KCMF1: variants seen among roughly 807,000 people sequenced by gnomAD.
The protein encoded by KCMF1 is E3 ubiquitin-protein ligase KCMF1.
Under a neutral mutation model 41.1 loss-of-function variants are expected in KCMF1, and 3 were observed. The ratio of observed to expected loss-of-function variants is 0.07; its 90% confidence interval spans 0.03 to 0.19. The LOEUF is 0.19. Among genes scored for constraint, KCMF1 ranks in the 10% least tolerant of loss-of-function variants. KCMF1 has a pLI of 1.00. For missense variants in KCMF1, 286 were observed against 488.9 expected, an observed-to-expected ratio of 0.58 and a Z score of 3.91; for synonymous variants, 142 against 164.5, an observed-to-expected ratio of 0.86 and a Z score of 1.04.
At chr2:85,041,420 T>G (rs1293029804) in intron 3 of KCMF1, among the ~76,000 whole-genome samples, 1 of 152,220 alleles carries the variant, frequency 6.6e-6, no homozygotes, top group Non-Finnish European at 1.5e-5. Context: ...CCATTCTGTT[T>G]TCCTTCTAGG....
intron 2 of KCMF1, among the ~76,000 whole-genome samples, chr2:85,033,506 G>A (rs1161728197): frequency 6.6e-6 from 1 of 152,178 alleles, no homozygotes; most frequent in Non-Finnish European, 1.5e-5. Context: ...GAGGGCCTCA[G>A]CTGTGTCATA....
At chr2:84,993,663 C>G (rs1674101747) in intron 1 of KCMF1, among the ~76,000 whole-genome samples, 1 of 151,806 alleles carries the variant, frequency 6.6e-6, no homozygotes, top group Non-Finnish European at 1.5e-5. Context: ...GCACCCTCCA[C>G]CTCCTGGGTT....
intron 1 of KCMF1, among the ~76,000 whole-genome samples, chr2:84,999,295 T>C (rs1674270581): frequency 6.6e-6 from 1 of 151,832 alleles, no homozygotes; most frequent in African/African-American, 2.4e-5. Flanking sequence ...GGATTACAGG[T>C]GCCCGCCAAC....
At chr2:85,031,971 C>A (rs1675284943) in intron 2 of KCMF1, among the ~76,000 whole-genome samples, 1 of 152,222 alleles carries the variant, frequency 6.6e-6, no homozygotes, top group Admixed American at 6.5e-5. Flanking sequence ...AACTCCTGAG[C>A]TCAAGTGGTC....
At chr2:85,044,809 C>G (rs986325331) in intron 4 of KCMF1, among the ~76,000 whole-genome samples, 6 of 152,248 alleles carry the variant, frequency 3.9e-5, no homozygotes, top group Non-Finnish European at 7.3e-5. Flanking sequence ...TGAGCCACCA[C>G]GCCCAGCCTC....
At chr2:84,972,656 A>G (rs1673430832) in intron 1 of KCMF1, among the ~76,000 whole-genome samples, 1 of 152,182 alleles carries the variant, frequency 6.6e-6, no homozygotes, top group Non-Finnish European at 1.5e-5. Context: ...GCACTATGGG[A>G]AGGATATTCT....
intron 1 of KCMF1, among the ~76,000 whole-genome samples, chr2:85,003,371 G>A (rs1431852317): frequency 2.0e-5 from 3 of 151,976 alleles, no homozygotes; most frequent in South Asian, 2.1e-4. Flanking sequence ...CTAGCTACTC[G>A]GGAGGCTGAG....
intron 1 of KCMF1, among the ~76,000 whole-genome samples, chr2:85,015,509 C>G (rs1674748550): frequency 6.6e-6 from 1 of 152,146 alleles, no homozygotes; most frequent in Non-Finnish European, 1.5e-5. Flanking sequence ...GTTTTCAGAA[C>G]AGGGATGCAT....
At chr2:85,038,251 A>G (rs1293457593) in intron 3 of KCMF1, among the ~76,000 whole-genome samples, 1 of 152,242 alleles carries the variant, frequency 6.6e-6, no homozygotes, top group East Asian at 1.9e-4. Flanking sequence ...AACACTTACT[A>G]TAACTGTTCA....
intron 1 of KCMF1, among the ~76,000 whole-genome samples, chr2:84,986,262 C>A (rs72838127): frequency 0.042 from 6,372 of 152,182 alleles, 198 homozygotes; most frequent in Non-Finnish European, 0.063. Flanking sequence ...AATAAAATAA[C>A]CCTTGTATGA....
chr2:85,003,729 A>C (rs1051196845), intron 1 of KCMF1, among the ~76,000 whole-genome samples: 3 of 152,102 alleles, frequency 2.0e-5, no homozygotes, highest in African/African-American at 7.2e-5. Context: ...GAGCTACCAC[A>C]CCTGGCCTAC....
chr2:84,982,384 A>C (rs1286012108), intron 1 of KCMF1, among the ~76,000 whole-genome samples: 2 of 35,880 alleles, frequency 5.6e-5, no homozygotes, highest in Non-Finnish European at 5.5e-5. Context: ...TGTGTTCCTT[A>C]TTTTCTTTTT....
At chr2:85,026,663 ATT>A (rs1055644638) in intron 1 of KCMF1, among the ~76,000 whole-genome samples, 1 of 150,000 alleles carries the variant, frequency 6.7e-6, no homozygotes, top group Non-Finnish European at 1.5e-5. Flanking sequence ...TAATTTTTAA[ATT>A]TTTTTGTAGA....
At chr2:85,030,871 A>AT (rs1412193238) in intron 2 of KCMF1, among the ~76,000 whole-genome samples, 2 of 152,082 alleles carry the variant, frequency 1.3e-5, no homozygotes, top group Admixed American at 6.6e-5. Flanking sequence ...TGATTTTTAA[A>AT]TTTTTTGTGG....
Position 85,035,106 on chromosome 2 carries a change from C to A in KCMF1, c.275C>A (p.Ser92Tyr). 1 of 1,613,466 alleles carries A rather than the reference C, an allele frequency of 6.2e-7. No individual in the cohort carries two copies. Among genetic ancestry groups the A allele is most frequent in the Non-Finnish European group, 8.5e-7 (1 of 1,179,620 alleles). ...YCGKMGYTET[S>Y]LQEHVTSEHA... ...GGAAAAATGGGCTATACGGAGACAT[C>A]TCTTCAAGAACATGTTACTTCTGAA... Residue 92 changes from serine to tyrosine, a missense_variant, in exon 3 of 7, where the codon TCT becomes TAT. This residue lies in a region of KCMF1 where 95 missense variants were observed against 209.6 expected (regional missense o/e 0.45). Coordinates refer to ENST00000409785, the MANE Select transcript of KCMF1 (RefSeq NM_020122.5).
chr2:85,009,221 T>C (rs949028700), intron 1 of KCMF1, among the ~76,000 whole-genome samples: 2 of 152,106 alleles, frequency 1.3e-5, no homozygotes, highest in African/African-American at 2.4e-5. Context: ...ACTTCCCCTT[T>C]CGTGCTGTCT....
At chr2:85,003,844 T>A (rs1246390892) in intron 1 of KCMF1, among the ~76,000 whole-genome samples, 1 of 152,102 alleles carries the variant, frequency 6.6e-6, no homozygotes. Flanking sequence ...GTAGCAAGCA[T>A]GTAATTGTGT....
chr2:84,985,511 G>T (rs1428088584), intron 1 of KCMF1, among the ~76,000 whole-genome samples: 1 of 152,130 alleles, frequency 6.6e-6, no homozygotes, highest in Admixed American at 6.6e-5. Flanking sequence ...TTGGTGGAAG[G>T]TGAATCTTCC....
In KCMF1 at chr2:84,981,923, G is replaced by A. The variant is rs2103966527; in HGVS notation, c.16+10456G>A. On this transcript the variant is annotated intron_variant, in intron 1 of 6. Coordinates refer to ENST00000409785, the MANE Select transcript of KCMF1 (RefSeq NM_020122.5). ...GCCTCCTGAGTAGCTGAGATTACAG[G>A]CGCCCACTACCATGCCCAGCTAATT... Among the ~76,000 whole-genome samples the A allele has an allele frequency of 2.0e-5, 3 of 152,158 alleles. No individual in the cohort carries two copies. In the South Asian group the frequency reaches 6.2e-4, roughly 32 times the overall value.
Sources: allele counts gnomAD v4.1 joint callset (sites outside exome capture counted in the v4.1 genomes callset), GRCh38; gene constraint gnomAD v4.1.1; regional missense constraint gnomAD v4.1.1; transcripts MANE v1.5; gene names NCBI Gene and HGNC (gene_info 2026-07-23, HGNC 2026-07-21).